Variants in BMP1 observed in about 807,000 individuals in gnomAD.
BMP1 encodes the protein bone morphogenetic protein 1, also known as mammalian tolloid protein.
In BMP1, 63 loss-of-function variants were observed where a neutral mutation model predicts 116.8. The observed-to-expected ratio is 0.54, with a 90% CI of 0.44 to 0.67. BMP1 has a LOEUF of 0.67. Ranked by LOEUF, BMP1 falls within the 30% of genes least tolerant of loss-of-function variation. The pLI is 0.00. For missense variants in BMP1, 1,183 were observed against 1,358.9 expected (o/e 0.87, Z 2.04); for synonymous variants, 536 against 533.4 (o/e 1.00, Z -0.07).
chr8:22,176,413 G>A, intron 3 of BMP1, 100 bp downstream of exon 3: 2 of 1,545,446 alleles, frequency 1.3e-6, no homozygotes, highest in Non-Finnish European at 8.8e-7. Context: ...CCTGCAGCCC[G>A]AGTGCCCACA....
At chr8:22,173,560 T>C in intron 1 of BMP1, 42 bp from the exon 2 acceptor site, 1 of 1,514,216 alleles carries the variant, frequency 6.6e-7, no homozygotes, top group Non-Finnish European at 9.1e-7. Flanking sequence ...TAGGGCTGGG[T>C]AGGAGGATTA....
At chr8:22,192,193 C>A in intron 9 of BMP1, 42 bp downstream of exon 9, 1 of 1,522,886 alleles carries the variant, frequency 6.6e-7, no homozygotes, top group South Asian at 1.1e-5. Context: ...ATGCTGATTC[C>A]CTCTCTGAGC....
chr8:22,197,536 G>A (rs1017960164), intron 15 of BMP1, 116 bp downstream of exon 15: 17 of 1,193,990 alleles, frequency 1.4e-5, no homozygotes, highest in African/African-American at 3.0e-5. Context: ...GGCAGGCAGA[G>A]TCTGCCCCCT....
chr8:22,184,729 C>G (rs887355242), intron 8 of BMP1, among the ~76,000 whole-genome samples: 1 of 152,242 alleles, frequency 6.6e-6, no homozygotes, highest in Non-Finnish European at 1.5e-5. Context: ...CCCTACTGTA[C>G]AGCCAAGAGA....
chr8:22,195,441 A>T, intron 12 of BMP1, 21 bp from the exon 13 acceptor site: 1 of 1,590,226 alleles, frequency 6.3e-7, no homozygotes, highest in Non-Finnish European at 8.5e-7. Context: ...AGTCTGTGAC[A>T]CCCTTTCCTT....
intron 7 of BMP1, 112 bp from the exon 8 acceptor site, chr8:22,180,256 C>A: frequency 1.2e-6 from 1 of 840,116 alleles, no homozygotes; most frequent in Non-Finnish European, 2.0e-6. Flanking sequence ...CCCTCCCACT[C>A]CTCAGGCATT....
At position 22,212,272 on chromosome 8, in the gene BMP1, GC is replaced by G. The variant is rs1465689928; in HGVS notation, c.*546del. Reference sequence around the variant, plus strand: ...GACAGGGCTTCTCTCAGGCCCAGTGGCCGGTCAGCCACACCAGGGCACCGCA... The same window carrying G: ...GACAGGGCTTCTCTCAGGCCCAGTGGCGGTCAGCCACACCAGGGCACCGCA... On this transcript the variant is annotated 3_prime_UTR_variant, in exon 20 of 20. Coordinates refer to ENST00000306385, the MANE Select transcript of BMP1 (RefSeq NM_006129.5). The G allele has an allele frequency of 6.3e-6, 1 of 159,046 alleles. No homozygotes were observed. Among genetic ancestry groups the G allele is most frequent in the Admixed American group, 5.9e-5 (1 of 16,894 alleles). 9.9% of individuals were successfully genotyped at this position (159,046 alleles called of 1,614,324 possible). A position where few individuals can be genotyped will look rare whatever the true frequency, so the allele number is the denominator to read the frequency against.
intron 13 of BMP1, 105 bp from the exon 14 acceptor site, chr8:22,196,575 T>C (rs1031542894): frequency 1.5e-5 from 23 of 1,522,224 alleles, no homozygotes; most frequent in Non-Finnish European, 2.0e-5. Context: ...CCTTGGGGAG[T>C]CCACAGGCTC....
In BMP1 at chr8:22,203,273, A is replaced by C. The variant is rs78175536; in HGVS notation, c.2233+1345A>C. 3.4e-3 allele frequency among the ~76,000 whole-genome samples: 519 copies of C among 152,200 alleles called. 6 individuals are homozygous for C. Among genetic ancestry groups the C allele is most frequent in the East Asian group, 0.031 (162 of 5,148 alleles). On this transcript the variant is annotated intron_variant, in intron 16 of 19. Transcript: ENST00000306385. ...CATCCATGAAACGATAAAAAATGAT[A>C]GGCCAGGTGCAGTGGCTCACGCCTG...
intron 15 of BMP1, chr8:22,201,075 C>T (rs754580812): frequency 5.1e-6 from 8 of 1,578,452 alleles, no homozygotes; most frequent in East Asian, 4.5e-5. Flanking sequence ...TGCCCTCCAC[C>T]CCCACCCCTT....
Position 22,211,667 on chromosome 8 carries a change from A to G in BMP1, c.2900A>G (p.Lys967Arg). The change falls in exon 20 of 20, where the codon AAA becomes AGA. Residue 967 changes from lysine to arginine, a missense_variant. By Grantham distance (26) the Lys-to-Arg change is conservative (BLOSUM62 2). Transcript: ENST00000306385. ...CACTCGGATGACACCATCACCAAAA[A>G]AGGTTTCCACCTGCGATACACCAGC... is the stretch of plus-strand genomic sequence containing the variant. Reference protein sequence around the residue: ...KFHSDDTITKKGFHLRYTSTK... With the variant: ...KFHSDDTITKRGFHLRYTSTK... The G allele has an allele frequency of 6.2e-7, 1 of 1,614,152 alleles. No individual in the cohort carries two copies. Among genetic ancestry groups the G allele is most frequent in the Non-Finnish European group, 8.5e-7 (1 of 1,180,016 alleles).
chr8:22,201,879 A>G lies in BMP1; in HGVS notation c.2184A>G (p.Gln728=), dbSNP rs1370713033. ...CVNTFGSYEC[Q]CRSGFVLHDN... ...ACACGTTCGGCAGTTATGAGTGCCAATGCCGCAGTGGCTTCGTCCTCCATG... is the reference window on the plus strand; with the variant it reads ...ACACGTTCGGCAGTTATGAGTGCCAGTGCCGCAGTGGCTTCGTCCTCCATG... The change falls in exon 16 of 20, where the codon CAA becomes CAG. Residue 728 remains glutamine, a synonymous_variant. Transcript: ENST00000306385. 1.2e-5 allele frequency: 20 copies of G among 1,613,788 alleles called. No individual in the cohort carries two copies. The highest frequency in any genetic ancestry group is 6.6e-5 in the South Asian group (6 of 91,060).
intron 18 of BMP1, among the ~76,000 whole-genome samples, chr8:22,208,722 G>A (rs146031427): frequency 5.9e-5 from 9 of 152,342 alleles, no homozygotes; most frequent in South Asian, 4.1e-4. Flanking sequence ...GATGCCACGA[G>A]GGAGCTTTGC....
chr8:22,172,875 C>T (rs1828321627), intron 1 of BMP1, among the ~76,000 whole-genome samples: 1 of 152,076 alleles, frequency 6.6e-6, no homozygotes, highest in Non-Finnish European at 1.5e-5. Context: ...CCTCGACCTC[C>T]CAAAGTGTTG....
At chr8:22,199,441 C>T (rs952220483) in intron 15 of BMP1, 115 of 1,217,738 alleles carry the variant, frequency 9.4e-5, no homozygotes, top group Non-Finnish European at 1.2e-4. Context: ...CCCCACCCCC[C>T]TGCAACCTGC....
At chr8:22,210,833 C>T (rs1452232074) in intron 19 of BMP1, among the ~76,000 whole-genome samples, 2 of 152,230 alleles carry the variant, frequency 1.3e-5, no homozygotes, top group African/African-American at 2.4e-5. Flanking sequence ...CCAGAGACCT[C>T]CCCCAGGCTG....
rs149489580 is a variant in BMP1, at chr8:22,194,492, C to T, written c.1345C>T (p.Pro449Ser). The stretch of plus-strand genomic sequence containing the variant: ...AAAGGACTATGGCCACATTCAATCG[C>T]CCAACTACCCAGACGATTACCGGCC... ...VKKDYGHIQS[P>S]NYPDDYRPSK... is the part of the protein sequence containing the mutation. Residue 449 changes from proline (P) to serine (S), a missense_variant, in exon 11 of 20, where the codon CCC becomes TCC. Around this residue, in one of 4 missense-constraint regions of BMP1, gnomAD observed 956 missense variants for 1,135.2 expected, o/e 0.84. Coordinates refer to ENST00000306385, the MANE Select transcript of BMP1 (RefSeq NM_006129.5). This position sits in a 1 kb window ranked among gnomAD's most constrained non-coding sequence, Gnocchi z 4.5. 1 of 1,614,186 alleles carries T rather than the reference C, an allele frequency of 6.2e-7. No homozygotes were observed. The highest frequency in any genetic ancestry group is 1.7e-5 in the Admixed American group (1 of 60,018).
intron 18 of BMP1, 51 bp from the exon 19 acceptor site, chr8:22,209,394 G>T (rs1332615750): frequency 6.3e-7 from 1 of 1,597,064 alleles, no homozygotes; most frequent in East Asian, 2.2e-5. Context: ...GTGCCATGGG[G>T]CCTGGCACCT....
At chr8:22,206,221 G>C (rs1024436377) in intron 16 of BMP1, among the ~76,000 whole-genome samples, 2 of 152,136 alleles carry the variant, frequency 1.3e-5, no homozygotes, top group East Asian at 3.9e-4. Context: ...ACAAAAATTA[G>C]CCAGGCATAG....
Sources: allele counts gnomAD v4.1 joint callset (sites outside exome capture counted in the v4.1 genomes callset), GRCh38; gene constraint gnomAD v4.1.1; regional missense constraint gnomAD v4.1.1; non-coding constraint Gnocchi (gnomAD v3.1); transcripts MANE v1.5; gene names NCBI Gene and HGNC (gene_info 2026-07-23, HGNC 2026-07-21).